LPIN1: variants seen among roughly 807,000 people sequenced by gnomAD.
The protein encoded by LPIN1 is lipin 1, also known as phosphatidate phosphatase LPIN1.
A neutral mutation model predicts 107.5 loss-of-function variants in LPIN1; 71 were observed. The ratio of observed to expected loss-of-function variants is 0.66; its 90% CI spans 0.55 to 0.80. LPIN1 has a LOEUF of 0.80. Ranked by LOEUF, LPIN1 falls within the 30% of genes least tolerant of loss-of-function variation. The probability of loss-of-function intolerance (pLI) is 0.00; values close to 1 mark genes in which losing one functional copy is unlikely to be tolerated. For missense variants in LPIN1, 1,043 were observed against 1,160.6 expected (o/e 0.90, Z 1.47); for synonymous variants, 445 against 452.6 (o/e 0.98, Z 0.21).
chr2:11,784,225 A>C, intron 9 of LPIN1: 7 of 913,388 alleles, frequency 7.7e-6, no homozygotes, highest in Non-Finnish European at 1.0e-5. Flanking sequence ...AATTGCTTGA[A>C]TCCAGGAGGC....
At chr2:11,755,789 T>C (rs1668586371) in intron 1 of LPIN1, among the ~76,000 whole-genome samples, 1 of 151,622 alleles carries the variant, frequency 6.6e-6, no homozygotes, top group Non-Finnish European at 1.5e-5. Flanking sequence ...TGGCGCCGTC[T>C]CGGCTCACTG....
chr2:11,774,147 A>G lies in LPIN1; in HGVS notation c.722+402A>G, dbSNP rs1039480537. On this transcript the variant is annotated intron_variant, in intron 5 of 20. Coordinates refer to ENST00000674199, the MANE Select transcript of LPIN1 (RefSeq NM_001349206.2). This position sits in a 1 kb window ranked among gnomAD's most constrained non-coding sequence, Gnocchi z 4.4. ...GCTATTAGAATGGTGCCTCCGCCACACTTAATCCATTCTGCCGAATTCAAG... is the reference window on the plus strand; with the variant it reads ...GCTATTAGAATGGTGCCTCCGCCACGCTTAATCCATTCTGCCGAATTCAAG... 5.3e-5 allele frequency among the ~76,000 whole-genome samples: 8 copies of G among 152,240 alleles called. No homozygotes were observed. The highest frequency in any genetic ancestry group is 1.9e-4 in the African/African-American group (8 of 41,470).
intron 1 of LPIN1, among the ~76,000 whole-genome samples, chr2:11,729,010 C>G (rs1664934483): frequency 6.6e-6 from 1 of 152,154 alleles, no homozygotes; most frequent in Non-Finnish European, 1.5e-5. Context: ...TTGATTAGAT[C>G]CCATTTGTCA....
chr2:11,773,667 A>C lies in LPIN1; in HGVS notation c.644A>C (p.Glu215Ala). Residue 215 changes from glutamate (E) to alanine (A), a missense_variant, in exon 5 of 21, where the codon GAA becomes GCA. Coordinates refer to ENST00000674199, the MANE Select transcript of LPIN1 (RefSeq NM_001349206.2). ...IPPFQDDIPE[E>A]NLSLAVIYPQ... ...CCATTCCAAGATGATATTCCTGAGG[A>C]AAACCTCTCCCTGGCTGTGATTTAC... 1.9e-6 allele frequency: 3 copies of C among 1,612,950 alleles called. No homozygotes were observed. Among genetic ancestry groups the C allele is most frequent in the Non-Finnish European group, 2.5e-6 (3 of 1,178,962 alleles).
At chr2:11,731,339 C>G (rs1202744513) in intron 1 of LPIN1, among the ~76,000 whole-genome samples, 1 of 151,656 alleles carries the variant, frequency 6.6e-6, no homozygotes, top group Non-Finnish European at 1.5e-5. Flanking sequence ...GTTTTCTGTT[C>G]CCGTGTTAGT....
rs927436958 is a variant in LPIN1 at position 11,776,086 on chromosome 2, T to C, written c.723T>C (p.Ser241=). The C allele has an allele frequency of 6.5e-7, 1 of 1,542,584 alleles. No individual in the cohort carries two copies. Among genetic ancestry groups the C allele is most frequent in the Admixed American group, 2.0e-5 (1 of 50,916 alleles). ...NSDREWSPTP[S]SLVDCKRTAP... is the part of the protein sequence containing the mutation. ...ATGTGTATCACGTGGTGGTATCCAG[T>C]AGCCTGGTAGATTGCAAAAGGACTG... is the stretch of plus-strand genomic sequence containing the variant. The change falls in exon 6 of 21, where the codon AGT becomes AGC. Residue 241 remains serine, a splice_region_variant and synonymous_variant. Transcript: ENST00000674199.
Position 11,776,183 on chromosome 2 carries a change from C to A in LPIN1, c.820C>A (p.Pro274Thr). Reference protein sequence around the residue: ...SCPPQSSLFHPSESPSGSRPS... With the variant: ...SCPPQSSLFHTSESPSGSRPS... Reference sequence around the variant, plus strand: ...CCCTCCACAGTCTTCCCTGTTCCATCCTTCGGAAAGGTAGAGGAGTTATTT... The same window carrying A: ...CCCTCCACAGTCTTCCCTGTTCCATACTTCGGAAAGGTAGAGGAGTTATTT... The change falls in exon 6 of 21, where the codon CCT (proline) becomes ACT (threonine). Residue 274 changes from proline to threonine, a missense_variant. Physicochemically the swap from Pro to Thr is conservative, Grantham distance 38 (BLOSUM62 -1). Coordinates refer to ENST00000674199, the MANE Select transcript of LPIN1 (RefSeq NM_001349206.2). The A allele has an allele frequency of 6.5e-7, 1 of 1,537,582 alleles. No individual in the cohort carries two copies.
At chr2:11,818,767 G>A (rs1681022146) in intron 18 of LPIN1, 1 of 151,848 alleles carries the variant, frequency 6.6e-6, no homozygotes, top group African/African-American at 2.4e-5. Context: ...GTTCACTGTA[G>A]GTTTTTTTAG....
At chr2:11,778,179 G>A (rs1238383441) in intron 6 of LPIN1, among the ~76,000 whole-genome samples, 1 of 152,190 alleles carries the variant, frequency 6.6e-6, no homozygotes, top group Non-Finnish European at 1.5e-5. Context: ...CTCCCTAAAG[G>A]GCAGAAATGT....
upstream of LPIN1, among the ~76,000 whole-genome samples, chr2:11,722,817 GC>G (rs1258307697): frequency 6.6e-6 from 1 of 152,196 alleles, no homozygotes; most frequent in East Asian, 1.9e-4. Flanking sequence ...CTACAGAAGA[GC>G]CTAGCACTTA....
chr2:11,747,089 G>C (rs1667072262), intron 1 of LPIN1, among the ~76,000 whole-genome samples: 1 of 152,356 alleles, frequency 6.6e-6, no homozygotes, highest in African/African-American at 2.4e-5. Flanking sequence ...CCGGGGACTG[G>C]GATGAGAGCC....
chr2:11,799,385 GT>G (rs1415220980), intron 14 of LPIN1, among the ~76,000 whole-genome samples: 1 of 151,636 alleles, frequency 6.6e-6, no homozygotes, highest in Non-Finnish European at 1.5e-5. Flanking sequence ...ACTCCAAACT[GT>G]TTGGTTGGAA....
exon 2 of LPIN1, chr2:11,713,786 C>A (rs1045981024): frequency 6.6e-7 from 1 of 1,523,798 alleles, no homozygotes; most frequent in Non-Finnish European, 8.8e-7. Context: ...TGGGTGGATT[C>A]GAAATGTATG....
At chr2:11,679,022 G>A (rs1282907945) in intron 1 of LPIN1, among the ~76,000 whole-genome samples, 1 of 152,246 alleles carries the variant, frequency 6.6e-6, no homozygotes, top group African/African-American at 2.4e-5. Flanking sequence ...TTTGCCCGGT[G>A]CTGACTGAGA....
rs1340805453 is a variant in LPIN1 at position 11,792,026 on chromosome 2, C to G, written c.1806+20C>G. Reference sequence around the variant, plus strand: ...AAGGAGGTAAGCCCAGAAGACAAAGCAGTGCTCACACTTAGCAAGTGTTGG... The same window carrying G: ...AAGGAGGTAAGCCCAGAAGACAAAGGAGTGCTCACACTTAGCAAGTGTTGG... On this transcript the variant is annotated intron_variant, in intron 13 of 20. Coordinates refer to ENST00000674199, the MANE Select transcript of LPIN1 (RefSeq NM_001349206.2). 3.7e-6 allele frequency: 6 copies of G among 1,600,840 alleles called. No individual in the cohort carries two copies. Among genetic ancestry groups the G allele is most frequent in the Non-Finnish European group, 5.1e-6 (6 of 1,168,630 alleles).
At position 11,741,099 on chromosome 2, in the gene LPIN1, C is replaced by T. The variant is rs1480276403; in HGVS notation, c.-71-250C>T. Reference sequence around the variant, plus strand: ...AAGACAGGCTTGACAAGGAGCAGGACGGCCTTCACAGCAGCACAAATGGGA... The same window carrying T: ...AAGACAGGCTTGACAAGGAGCAGGATGGCCTTCACAGCAGCACAAATGGGA... On this transcript the variant is annotated intron_variant, in intron 1 of 21. Coordinates refer to the LPIN1 transcript ENST00000396097. 3.6e-5 allele frequency: 12 copies of T among 332,762 alleles called. No individual in the cohort carries two copies. The South Asian group carries it at 5.8e-4, about 16-fold the overall frequency. The allele number at this position is 332,762 out of a possible 1,614,324, so 20.6% of individuals were successfully genotyped here. A position where few individuals can be genotyped will look rare whatever the true frequency, so the allele number is the denominator to read the frequency against.
intron 1 of LPIN1, among the ~76,000 whole-genome samples, chr2:11,762,649 AAT>A (rs1670035129): frequency 6.6e-6 from 1 of 152,230 alleles, no homozygotes; most frequent in Admixed American, 6.5e-5. Flanking sequence ...AGGAAAATGA[AAT>A]ATCATAACAA....
intron 17 of LPIN1, among the ~76,000 whole-genome samples, chr2:11,806,374 G>T (rs145927156): frequency 6.6e-6 from 1 of 152,228 alleles, no homozygotes; most frequent in South Asian, 2.1e-4. Flanking sequence ...GTAAGTCTCT[G>T]ACCTGGGACT....
At chr2:11,793,769 A>T (rs1000472615) in intron 13 of LPIN1, among the ~76,000 whole-genome samples, 1 of 152,134 alleles carries the variant, frequency 6.6e-6, no homozygotes, top group Non-Finnish European at 1.5e-5. Context: ...AAATTTTGTC[A>T]TAGTTGATAA....
Sources: allele counts gnomAD v4.1 joint callset (sites outside exome capture counted in the v4.1 genomes callset), GRCh38; gene constraint gnomAD v4.1.1; non-coding constraint Gnocchi (gnomAD v3.1); transcripts MANE v1.5; gene names NCBI Gene and HGNC (gene_info 2026-07-23, HGNC 2026-07-21).